Variants in GAS2 observed in about 807,000 individuals in gnomAD.
GAS2 encodes growth arrest specific 2.
A neutral mutation model predicts 37.5 loss-of-function variants in GAS2; 20 were observed. The ratio of observed to expected loss-of-function variants is 0.53; its 90% CI spans 0.37 to 0.77. The LOEUF is 0.77. Among genes scored for constraint, GAS2 ranks in the 30% least tolerant of loss-of-function variants. The probability of loss-of-function intolerance (pLI) is 0.00; values close to 1 mark genes in which losing one functional copy is unlikely to be tolerated. For missense variants in GAS2, 336 were observed against 373.4 expected, an observed-to-expected ratio of 0.90 and a Z score of 0.82; for synonymous variants, 144 against 132.2, an observed-to-expected ratio of 1.09 and a Z score of -0.61.
intron 7 of GAS2, among the ~76,000 whole-genome samples, chr11:22,758,921 A>AAAAAAAAAAAT (rs1379638404): frequency 2.0e-5 from 3 of 150,522 alleles, no homozygotes; most frequent in Non-Finnish European, 4.5e-5. Flanking sequence ...CTCAAAAAAA[A>AAAAAAAAAAAT]AAAAAAGAGA....
intron 7 of GAS2, among the ~76,000 whole-genome samples, chr11:22,789,554 C>T (rs1189059601): frequency 1.4e-5 from 2 of 142,644 alleles, no homozygotes; most frequent in African/African-American, 5.2e-5. Context: ...CTCCACCTAC[C>T]GGGTTCACGC....
chr11:22,768,959 A>G (rs1235186417), intron 7 of GAS2, among the ~76,000 whole-genome samples: 1 of 152,228 alleles, frequency 6.6e-6, no homozygotes, highest in African/African-American at 2.4e-5. Flanking sequence ...TCATCTACCA[A>G]TGATAACATT....
At chr11:22,650,466 G>T (rs577762386) in intron 1 of GAS2, among the ~76,000 whole-genome samples, 35,962 of 151,410 alleles carry the variant, frequency 0.24, 5,567 homozygotes, top group African/African-American at 0.43. Context: ...CAATTCCTGT[G>T]TATCCTTGTT....
intron 3 of GAS2, among the ~76,000 whole-genome samples, chr11:22,704,980 A>AT (rs1394056208): frequency 6.6e-6 from 1 of 152,134 alleles, no homozygotes; most frequent in Non-Finnish European, 1.5e-5. Context: ...TTTACTAAGT[A>AT]TTTACTTCGT....
chr11:22,755,764 A>C, intron 6 of GAS2, 82 bp from the exon 7 acceptor site: 1 of 886,462 alleles, frequency 1.1e-6, no homozygotes. Context: ...TTAAGGGTTC[A>C]GGGGCCGTGG....
intron 5 of GAS2, among the ~76,000 whole-genome samples, chr11:22,747,058 G>A (rs1353974538): frequency 6.6e-6 from 1 of 152,086 alleles, no homozygotes; most frequent in Non-Finnish European, 1.5e-5. Flanking sequence ...TTTTGGACAA[G>A]GTTGAAGTCT....
chr11:22,785,143 G>A (rs568015640), intron 7 of GAS2, among the ~76,000 whole-genome samples: 4 of 152,208 alleles, frequency 2.6e-5, no homozygotes, highest in East Asian at 1.9e-4. Flanking sequence ...ATCTAAGCCC[G>A]ATGTACTCTC....
At chr11:22,710,402 C>A (rs1590685766) in intron 3 of GAS2, among the ~76,000 whole-genome samples, 1 of 151,616 alleles carries the variant, frequency 6.6e-6, no homozygotes, top group Admixed American at 6.6e-5. Context: ...TTGCTGCCAA[C>A]AATGATAAAT....
At position 22,739,564 on chromosome 11, in the gene GAS2, T is replaced by C. The variant is rs190465810; in HGVS notation, c.473+1796T>C. Among the ~76,000 whole-genome samples, 143 of 81,918 alleles carry C rather than the reference T, an allele frequency of 1.7e-3. 2 individuals carry two copies. The East Asian group carries it at 0.039, about 22-fold the overall frequency. 53.7% of individuals were successfully genotyped at this position (81,918 alleles called of 152,430 possible). A position where few individuals can be genotyped will look rare whatever the true frequency, so the allele number is the denominator to read the frequency against. On this transcript the variant is annotated intron_variant, in intron 5 of 7. Transcript: ENST00000454584. ...CCCCAGCCTGGGCGACAGAGCAAGA[T>C]TCGCTCTCAAAAAAAAAAAAAAAAA...
chr11:22,784,176 ATGAT>A (rs1174193704), intron 7 of GAS2, among the ~76,000 whole-genome samples: 1 of 152,170 alleles, frequency 6.6e-6, no homozygotes, highest in East Asian at 1.9e-4. Flanking sequence ...TGTGTGAAAA[ATGAT>A]TGGTAGTTTG....
intron 7 of GAS2, among the ~76,000 whole-genome samples, chr11:22,809,221 G>A (rs1857028652): frequency 6.6e-6 from 1 of 152,086 alleles, no homozygotes; most frequent in Admixed American, 6.6e-5. Context: ...GGCTTTATTT[G>A]GGTGCTGCAA....
rs11026776 is a variant in GAS2, at chr11:22,763,746, T to C, written c.723+7793T>C. Among the ~76,000 whole-genome samples, 387 of 152,254 alleles carry C rather than the reference T, an allele frequency of 2.5e-3. 11 individuals carry two copies. In the East Asian group the frequency reaches 0.062, roughly 24 times the overall value. On this transcript the variant is annotated intron_variant, in intron 7 of 7. Coordinates refer to ENST00000454584, the MANE Select transcript of GAS2 (RefSeq NM_001143830.3). The stretch of plus-strand genomic sequence containing the variant: ...TAGATTTGTTTCTAGGGGGAAAATA[T>C]GGCCGTGTTTGCTTCTGATGTATAT...
chr11:22,804,498 A>G (rs1006796518), intron 7 of GAS2, among the ~76,000 whole-genome samples: 1 of 152,134 alleles, frequency 6.6e-6, no homozygotes, highest in Non-Finnish European at 1.5e-5. Flanking sequence ...CAGTCAGTTA[A>G]GAGGTAGAGG....
intron 3 of GAS2, among the ~76,000 whole-genome samples, chr11:22,686,683 A>C (rs1849975436): frequency 6.6e-6 from 1 of 151,370 alleles, no homozygotes; most frequent in Non-Finnish European, 1.5e-5. Flanking sequence ...CCAGGAAGTA[A>C]AGGTTGCGGT....
chr11:22,765,383 A>G (rs1028656992), intron 7 of GAS2, among the ~76,000 whole-genome samples: 21 of 152,202 alleles, frequency 1.4e-4, no homozygotes, highest in African/African-American at 4.6e-4. Flanking sequence ...TACAACTGAA[A>G]TTGAAATCCC....
In GAS2 at chr11:22,812,211, A is replaced by G; in HGVS notation, c.*195A>G. On this transcript the variant is annotated 3_prime_UTR_variant, in exon 8 of 8. Transcript: ENST00000454584. The stretch of plus-strand genomic sequence containing the variant: ...GTAGAATATGACCTATTAAAAGAAA[A>G]TCTAAACTCAAATTTAAATTATCCA... 1 of 518,736 alleles carries G rather than the reference A, an allele frequency of 1.9e-6. No homozygotes were observed. Among genetic ancestry groups the G allele is most frequent in the Non-Finnish European group, 3.4e-6 (1 of 295,222 alleles). 32.1% of individuals were successfully genotyped at this position (518,736 alleles called of 1,614,324 possible).
At chr11:22,800,887 T>C (rs1176606312) in intron 7 of GAS2, among the ~76,000 whole-genome samples, 1 of 152,114 alleles carries the variant, frequency 6.6e-6, no homozygotes, top group Non-Finnish European at 1.5e-5. Context: ...GTTGTTTATG[T>C]AATATAGCTA....
At chr11:22,761,431 G>A (rs1186111970) in intron 7 of GAS2, among the ~76,000 whole-genome samples, 1 of 152,156 alleles carries the variant, frequency 6.6e-6, no homozygotes, top group African/African-American at 2.4e-5. Flanking sequence ...GTAGCAGCCA[G>A]TGGGGTCACA....
At position 22,653,992 on chromosome 11, in the gene GAS2, C is replaced by A. The variant is rs115115095; in HGVS notation, c.-20-20858C>A. ...ATGGAGAAGGCTCAGTCATCCCACACCAGGCACCAGATATGTGAATGACAA... is the reference window on the plus strand; with the variant it reads ...ATGGAGAAGGCTCAGTCATCCCACAACAGGCACCAGATATGTGAATGACAA... On this transcript the variant is annotated intron_variant, in intron 1 of 5. Transcript: ENST00000528582. 7.0e-3 allele frequency among the ~76,000 whole-genome samples: 1,066 copies of A among 152,316 alleles called. 11 individuals carry two copies. The highest frequency in any genetic ancestry group is 0.024 in the African/African-American group (1,005 of 41,564).
Sources: gnomAD v4.1 joint callset for allele counts (sites outside exome capture counted in the v4.1 genomes callset) on GRCh38, gnomAD v4.1.1 for gene constraint, MANE v1.5 for transcripts, NCBI Gene and HGNC (gene_info 2026-07-23, HGNC 2026-07-21) for gene names.